The following PTPRN2 variants were observed in gnomAD, a reference collection of about 807,000 sequenced individuals.
PTPRN2 encodes the protein receptor-type tyrosine-protein phosphatase N2.
In PTPRN2, 74 loss-of-function variants were observed where a neutral mutation model predicts 118.8. The observed-to-expected ratio is 0.62, with a 90% confidence interval of 0.52 to 0.76. The LOEUF is 0.76. Among genes scored for constraint, PTPRN2 ranks in the 30% least tolerant of loss-of-function variants. The probability of loss-of-function intolerance (pLI) is 0.00; values close to 1 mark genes in which losing one functional copy is unlikely to be tolerated. For missense variants in PTPRN2, 1,481 were observed against 1,394.4 expected (o/e 1.06, Z -0.99); for synonymous variants, 641 against 608.0 (o/e 1.05, Z -0.80).
rs114392007 is a variant in PTPRN2, at chr7:158,562,233, C to T, written c.112+25325G>A. On this transcript the variant is annotated intron_variant, in intron 1 of 22. Transcript: ENST00000389418. ...GTCCTGCTTCCTGGATCATAGATGA[C>T]GCCTTCTCGCCATGGTCTCACTCCA... Among the ~76,000 whole-genome samples the T allele has an allele frequency of 7.8e-3, 1,183 of 152,258 alleles. 16 individuals carry two copies. The highest frequency in any genetic ancestry group is 0.022 in the African/African-American group (922 of 41,542).
At position 157,713,184 on chromosome 7, in the gene PTPRN2, G is replaced by A. The variant is rs557697744; in HGVS notation, c.1789-30247C>T. Among the ~76,000 whole-genome samples the A allele has an allele frequency of 2.8e-4, 42 of 148,948 alleles. No homozygotes were observed. The East Asian group carries it at 6.0e-3, about 21-fold the overall frequency. ...TGGGCAGGGCTCTTCTGGTGCCAGC[G>A]GGAGACCTTACTCAGACCCTCATCT... On this transcript the variant is annotated intron_variant, in intron 12 of 22. Transcript: ENST00000389418.
At chr7:157,863,605 T>C (rs1262501375) in intron 12 of PTPRN2, 1 of 152,194 alleles carries the variant, frequency 6.6e-6, no homozygotes, top group Non-Finnish European at 1.5e-5. Flanking sequence ...TGCAGCGTGG[T>C]TCACTGGCCC....
chr7:158,433,921 T>C lies in PTPRN2; in HGVS notation c.163+55814A>G, dbSNP rs564373673. On this transcript the variant is annotated intron_variant, in intron 2 of 22. Coordinates refer to ENST00000389418, the MANE Select transcript of PTPRN2 (RefSeq NM_002847.5). ...TCAGTTCACAATATTTTCAGATTTC[T>C]ATTGACATTTCTTCTTTGACAAATG... Among the ~76,000 whole-genome samples, 167 of 152,340 alleles carry C rather than the reference T, an allele frequency of 1.1e-3. 2 individuals are homozygous for C. The highest frequency in any genetic ancestry group is 3.4e-3 in the Middle Eastern group (1 of 294).
At position 157,737,802 on chromosome 7, in the gene PTPRN2, A is replaced by T. The variant is rs1800391670; in HGVS notation, c.1789-54865T>A. ...ACAAGGCCGGCTTAGAAGGTCTGGA[A>T]GAGCCTGACTAGGAATTAGGATGCT... On this transcript the variant is annotated intron_variant, in intron 12 of 22. Transcript: ENST00000389418. Among the ~76,000 whole-genome samples the T allele has an allele frequency of 1.3e-5, 2 of 152,266 alleles. 1 individual carries two copies. The highest frequency in any genetic ancestry group is 1.3e-4 in the Admixed American group (2 of 15,292).
At position 157,576,490 on chromosome 7, in the gene PTPRN2, C is replaced by A. The variant is rs193134627; in HGVS notation, c.2783+123G>T. On this transcript the variant is annotated intron_variant, in intron 19 of 22. Coordinates refer to ENST00000389418, the MANE Select transcript of PTPRN2 (RefSeq NM_002847.5). ...CCGCCTCTCGCTTCCCTTCCCCTCC[C>A]CCCTGCGGCGCCGACACAGACGCGG... The A allele has an allele frequency of 7.4e-5, 77 of 1,044,822 alleles. No individual in the cohort carries two copies. In the African/African-American group the frequency reaches 7.7e-4, roughly 11 times the overall value. The allele number at this position is 1,044,822 out of a possible 1,614,324, so 64.7% of individuals were successfully genotyped here.
intron 14 of PTPRN2, among the ~76,000 whole-genome samples, chr7:157,638,745 C>T (rs1804486591): frequency 6.6e-6 from 1 of 152,220 alleles, no homozygotes; most frequent in Admixed American, 6.5e-5. Context: ...CGGGGTCACT[C>T]TTCTTGCTGG....
intron 2 of PTPRN2, among the ~76,000 whole-genome samples, chr7:158,320,379 C>T (rs1009055848): frequency 6.6e-6 from 1 of 152,354 alleles, no homozygotes; most frequent in Non-Finnish European, 1.5e-5. Flanking sequence ...AGTGGCCGTG[C>T]CATTTTTCAC....
rs1432468590 is a variant in PTPRN2 at position 157,749,930 on chromosome 7, G to C, written c.1789-66993C>G. On this transcript the variant is annotated intron_variant, in intron 12 of 22. Transcript: ENST00000389418. ...GAGGCCTGCATCTCTGAGCTGTGGG[G>C]TGTCCGGGTGATTCTGAGGCCTGTG... Among the ~76,000 whole-genome samples the C allele has an allele frequency of 3.3e-3, 436 of 133,516 alleles. 17 individuals are homozygous for C. Among genetic ancestry groups the C allele is most frequent in the Middle Eastern group, 0.012 (3 of 248 alleles). 87.6% of individuals were successfully genotyped at this position (133,516 alleles called of 152,430 possible).
chr7:157,716,788 GTAGACTCTGCAGGAACACTGCCTGGCCA>G (rs1563032195), intron 12 of PTPRN2, among the ~76,000 whole-genome samples: 9 of 43,916 alleles, frequency 2.0e-4, no homozygotes, highest in Non-Finnish European at 3.0e-4. Flanking sequence ...GCCTGGCCAC[GTAGACTCTGCAGGAACACTGCCTGGCCA>G]CGTAGACTCT....
rs1410007982 is a variant in PTPRN2, at chr7:157,615,558, C to T, written c.2344+5804G>A. On this transcript the variant is annotated intron_variant, in intron 15 of 22. Transcript: ENST00000389418. This position sits in a 1 kb window ranked among gnomAD's most constrained non-coding sequence, Gnocchi z 4.3. ...GGCCGGGCCGTGGAAACAATCTCAG[C>T]CCTGGAACCAGCGCCTGGGAAGTCC... 2 of 471,116 alleles carry T rather than the reference C, an allele frequency of 4.2e-6. No homozygotes were observed. Among genetic ancestry groups the T allele is most frequent in the South Asian group, 1.5e-5 (1 of 64,578 alleles). The allele number at this position is 471,116 out of a possible 1,614,324, so 29.2% of individuals were successfully genotyped here. A position where few individuals can be genotyped will look rare whatever the true frequency, so the allele number is the denominator to read the frequency against.
rs1365181830 is a variant in PTPRN2 at position 158,311,489 on chromosome 7, AGT to A, written c.277+5328_277+5329del. Among the ~76,000 whole-genome samples, 3 of 152,360 alleles carry A rather than the reference AGT, an allele frequency of 2.0e-5. No homozygotes were observed. In the East Asian group the frequency reaches 5.8e-4, roughly 29 times the overall value. ...AAAAAAAAATCATACATGAGAGAGC[AGT>A]GTGTCTGCCCATGAAATAATGCTGC... On this transcript the variant is annotated intron_variant, in intron 3 of 22. Coordinates refer to ENST00000389418, the MANE Select transcript of PTPRN2 (RefSeq NM_002847.5).
intron 10 of PTPRN2, among the ~76,000 whole-genome samples, chr7:158,090,217 A>ATCCTTCCTC (rs1563421384): frequency 6.6e-6 from 1 of 151,634 alleles, no homozygotes; most frequent in Non-Finnish European, 1.5e-5. Context: ...CTTCACACAC[A>ATCCTTCCTC]CCTGCTGCCT....
At chr7:157,819,488 C>G (rs1489850659) in intron 12 of PTPRN2, among the ~76,000 whole-genome samples, 1 of 151,932 alleles carries the variant, frequency 6.6e-6, no homozygotes, top group African/African-American at 2.4e-5. Flanking sequence ...GAGCACACAC[C>G]GAGCGGCCGC....
intron 6 of PTPRN2, among the ~76,000 whole-genome samples, chr7:158,138,959 AGCACACCCTGC>A (rs1297348010): frequency 3.7e-5 from 5 of 135,050 alleles, no homozygotes; most frequent in African/African-American, 1.9e-4. Context: ...CACCCTGCCC[AGCACACCCTGC>A]CCAGCACACC....
chr7:157,996,804 T>C (rs1804780530), intron 11 of PTPRN2, among the ~76,000 whole-genome samples: 1 of 152,250 alleles, frequency 6.6e-6, no homozygotes, highest in African/African-American at 2.4e-5. Flanking sequence ...ATGGATCTTT[T>C]CTTCTCCTAG....
rs532463041 is a variant in PTPRN2 at position 157,580,003 on chromosome 7, G to A, written c.2497-1863C>T. ...TGACCAGATAACCTCAGAATACATC[G>A]CAAAAAGTTAATTTGGATTTTGGTA... On this transcript the variant is annotated intron_variant, in intron 17 of 22. Transcript: ENST00000389418. Among the ~76,000 whole-genome samples the A allele has an allele frequency of 5.9e-5, 9 of 152,264 alleles. No homozygotes were observed. In the East Asian group the frequency reaches 1.7e-3, roughly 29 times the overall value.
At chr7:158,337,388 G>GCTGACGCCCGCAGAC in intron 2 of PTPRN2, among the ~76,000 whole-genome samples, 1 of 105,338 alleles carries the variant, frequency 9.5e-6, no homozygotes, top group African/African-American at 3.3e-5. Flanking sequence ...CACCATAAGA[G>GCTGACGCCCGCAGAC]GTAACACCTG....
intron 2 of PTPRN2, among the ~76,000 whole-genome samples, chr7:158,486,170 C>T (rs1008541649): frequency 3.9e-5 from 6 of 152,188 alleles, no homozygotes; most frequent in East Asian, 3.8e-4. Context: ...ATCAGATTGC[C>T]GGGTCACGGG....
intron 12 of PTPRN2, among the ~76,000 whole-genome samples, chr7:157,715,278 A>C (rs796372323): frequency 6.6e-6 from 1 of 152,122 alleles, no homozygotes; most frequent in East Asian, 1.9e-4. Context: ...AGGCCCAGGG[A>C]GTGTTGGGAG....
Sources: gnomAD v4.1 joint callset for allele counts (sites outside exome capture counted in the v4.1 genomes callset) on GRCh38, gnomAD v4.1.1 for gene constraint, Gnocchi (gnomAD v3.1) non-coding constraint, MANE v1.5 for transcripts, NCBI Gene and HGNC (gene_info 2026-07-23, HGNC 2026-07-21) for gene names.